OVCH1: variants seen among roughly 807,000 people sequenced by gnomAD.
The protein encoded by OVCH1 is ovochymase-1.
In OVCH1, 139 loss-of-function variants were observed where a neutral mutation model predicts 138.4. That is an observed-to-expected ratio of 1.00 (90% CI 0.87 to 1.16). The LOEUF is 1.16. Ranked by LOEUF, OVCH1 falls within the 50% of genes most tolerant of loss-of-function variation. The probability of loss-of-function intolerance (pLI) is 0.00; values close to 1 mark genes in which losing one functional copy is unlikely to be tolerated. For synonymous variants in OVCH1, 453 were observed against 467.8 expected, an observed-to-expected ratio of 0.97 and a Z score of 0.41; for missense variants, 1,367 against 1,357.9, an observed-to-expected ratio of 1.01 and a Z score of -0.11.
At chr12:29,409,361 A>G (rs1391275422), downstream of OVCH1, among the ~76,000 whole-genome samples, 2 of 151,678 alleles carry the variant, frequency 1.3e-5, no homozygotes, top group African/African-American at 2.4e-5. Flanking sequence ...TTTTGAATGT[A>G]TTTGCTCTTA....
At chr12:29,445,053 T>A (rs916800524) in intron 23 of OVCH1, among the ~76,000 whole-genome samples, 2 of 152,064 alleles carry the variant, frequency 1.3e-5, no homozygotes, top group African/African-American at 4.8e-5. Context: ...TCTTAGCCAT[T>A]TTCAGAAATC....
intron 8 of OVCH1, among the ~76,000 whole-genome samples, chr12:29,482,820 A>G (rs992526495): frequency 2.0e-5 from 3 of 152,210 alleles, no homozygotes; most frequent in Admixed American, 2.0e-4. Context: ...AAGTTGGGTC[A>G]CTGTGTTTGA....
chr12:29,470,203 T>C (rs910504666), intron 16 of OVCH1, among the ~76,000 whole-genome samples: 1 of 152,158 alleles, frequency 6.6e-6, no homozygotes, highest in African/African-American at 2.4e-5. Context: ...AAATTTAGCA[T>C]AGTATTTTTT....
chr12:29,487,697 G>C lies in OVCH1; in HGVS notation c.888C>G (p.Phe296Leu), dbSNP rs773042256. The C allele has an allele frequency of 2.8e-5, 45 of 1,590,008 alleles. 1 individual carries two copies. The Middle Eastern group carries it at 2.0e-3, about 70-fold the overall frequency. Residue 296 changes from phenylalanine to leucine, a missense_variant, in exon 7 of 28, where the codon TTC (phenylalanine) becomes TTG (leucine). Physicochemically the swap from Phe to Leu is conservative, Grantham distance 22. Transcript: ENST00000318184. ...AGGAAGAAAGAATTCACCTACCTGT[G>C]AACAGGTTTTGAGTGATAAAATCCA...
intron 3 of OVCH1, among the ~76,000 whole-genome samples, chr12:29,421,608 TA>T (rs1477826205): frequency 6.6e-6 from 1 of 152,170 alleles, no homozygotes; most frequent in Non-Finnish European, 1.5e-5. Flanking sequence ...GTGTAACAGA[TA>T]TCTAGACTTA....
exon 20 of OVCH1, chr12:29,455,330 C>T (rs779888545): frequency 1.7e-5 from 27 of 1,613,670 alleles, no homozygotes; most frequent in Non-Finnish European, 2.2e-5. Flanking sequence ...ACACAGCCAG[C>T]TCCCCAGCTG....
exon 16 of OVCH1, chr12:29,471,899 G>T: frequency 6.2e-7 from 1 of 1,613,464 alleles, no homozygotes; most frequent in Non-Finnish European, 8.5e-7. Context: ...ACCTGCCATG[G>T]CCAACAGTGG....
exon 1 of OVCH1, chr12:29,497,680 G>A (rs779722987): frequency 1.9e-6 from 3 of 1,613,964 alleles, no homozygotes; most frequent in South Asian, 2.2e-5. Flanking sequence ...CTGGCCAGCA[G>A]GCCCATAGCC....
At chr12:29,464,409 A>G (rs1942243250) in intron 18 of OVCH1, 98 bp downstream of exon 18, 1 of 1,263,250 alleles carries the variant, frequency 7.9e-7, no homozygotes, top group South Asian at 1.3e-5. Flanking sequence ...TTTTAGAAAG[A>G]AGAGGGGCTG....
chr12:29,430,595 G>C (rs932806323), intron 27 of OVCH1, among the ~76,000 whole-genome samples: 2 of 152,082 alleles, frequency 1.3e-5, no homozygotes, highest in East Asian at 3.9e-4. Flanking sequence ...AACTGGGGGA[G>C]AGCTGACAGT....
intron 25 of OVCH1, among the ~76,000 whole-genome samples, chr12:29,441,814 C>T (rs1941492459): frequency 2.0e-5 from 3 of 152,040 alleles, no homozygotes; most frequent in African/African-American, 7.2e-5. Context: ...GGGCAAAGGA[C>T]ATGAACAGAC....
exon 24 of OVCH1, chr12:29,444,205 A>C (rs1298538596): frequency 1.2e-6 from 2 of 1,612,578 alleles, no homozygotes; most frequent in Admixed American, 1.7e-5. Context: ...CTTGGTCAGA[A>C]GAACATCCTC....
intron 3 of OVCH1, among the ~76,000 whole-genome samples, chr12:29,413,346 T>A (rs10431275): frequency 0.56 from 85,649 of 151,924 alleles, 26,208 homozygotes; most frequent in Middle Eastern, 0.78. Context: ...AATCATTTTT[T>A]AAAAATACAT....
chr12:29,440,072 C>G (rs1941447191), intron 25 of OVCH1, among the ~76,000 whole-genome samples: 1 of 152,140 alleles, frequency 6.6e-6, no homozygotes, highest in African/African-American at 2.4e-5. Context: ...ACATCATTGG[C>G]AATTGCTGAT....
chr12:29,473,058 G>A (rs1452228939), exon 15 of OVCH1: 2 of 1,611,238 alleles, frequency 1.2e-6, no homozygotes, highest in East Asian at 4.5e-5. Flanking sequence ...GGTAGATACA[G>A]GATTGTTTTG....
intron 19 of OVCH1, among the ~76,000 whole-genome samples, chr12:29,459,459 G>A (rs1942058140): frequency 6.6e-6 from 1 of 152,126 alleles, no homozygotes; most frequent in Non-Finnish European, 1.5e-5. Context: ...TGGGGATAGA[G>A]TATAGAAGGA....
intron 26 of OVCH1, chr12:29,433,897 G>C (rs1190088290): frequency 8.4e-7 from 1 of 1,195,064 alleles, no homozygotes; most frequent in Non-Finnish European, 1.1e-6. Flanking sequence ...AGAAACAAAA[G>C]GTAAAATGGG....
chr12:29,477,683 C>T, intron 9 of OVCH1: 1 of 1,304,992 alleles, frequency 7.7e-7, no homozygotes, highest in South Asian at 1.4e-5. Flanking sequence ...CTCACATGTC[C>T]AAATTCTACT....
At chr12:29,416,078 CAA>C (rs35897065) in intron 3 of OVCH1, among the ~76,000 whole-genome samples, 1 of 145,752 alleles carries the variant, frequency 6.9e-6, no homozygotes, top group Non-Finnish European at 1.5e-5. Context: ...ACAAAAAAAG[CAA>C]AAAAAAAAGG....
Sources: allele counts gnomAD v4.1 joint callset (sites outside exome capture counted in the v4.1 genomes callset), GRCh38; gene constraint gnomAD v4.1.1; transcripts MANE v1.5; gene names NCBI Gene and HGNC (gene_info 2026-07-23, HGNC 2026-07-21).